Variants in CTNNA3 observed in about 807,000 individuals in gnomAD.
CTNNA3 encodes the protein catenin alpha 3.
CTNNA3 carries 76 observed loss-of-function variants against 95.7 expected under a neutral mutation model. The ratio of observed to expected loss-of-function variants is 0.79; its 90% CI spans 0.66 to 0.96. CTNNA3 has a LOEUF of 0.96. CTNNA3 is among the 40% of genes least tolerant of loss of function. The pLI is 0.00. For missense variants in CTNNA3, 1,191 were observed against 1,089.8 expected (o/e 1.09, Z -1.31); for synonymous variants, 431 against 374.4 (o/e 1.15, Z -1.74).
In CTNNA3 at chr10:67,489,805, T is replaced by TATATATATATAC. The variant is rs927605119; in HGVS notation, c.579+32036_579+32037insGTATATATATAT. Among the ~76,000 whole-genome samples the TATATATATATAC allele has an allele frequency of 4.6e-4, 68 of 148,968 alleles. 2 individuals carry two copies. Among genetic ancestry groups the TATATATATATAC allele is most frequent in the African/African-American group, 1.5e-3 (62 of 40,120 alleles). On this transcript the variant is annotated intron_variant, in intron 5 of 17. Coordinates refer to ENST00000433211, the MANE Select transcript of CTNNA3 (RefSeq NM_013266.4). ...ACATGATTTTATATATATATATATA[T>TATATATATATAC]ACACACATTAGGTGTGTGTATATAC...
chr10:67,343,559 A>G (rs898269864), intron 5 of CTNNA3, among the ~76,000 whole-genome samples: 3 of 152,010 alleles, frequency 2.0e-5, no homozygotes, highest in Non-Finnish European at 2.9e-5. Flanking sequence ...CATATTGTTC[A>G]CTGTTGGCAT....
At position 66,594,687 on chromosome 10, in the gene CTNNA3, A is replaced by C. The variant is rs536044494; in HGVS notation, c.1374+27005T>G. Among the ~76,000 whole-genome samples, 91 of 152,216 alleles carry C rather than the reference A, an allele frequency of 6.0e-4. 1 individual carries two copies. Among genetic ancestry groups the C allele is most frequent in the African/African-American group, 2.2e-3 (91 of 41,520 alleles). ...AGCAAGGCATTTTTGTTTTTTGCAC[A>C]CAGTCCTTTTCTATTTCATAATTTA... On this transcript the variant is annotated intron_variant, in intron 10 of 17. Coordinates refer to ENST00000433211, the MANE Select transcript of CTNNA3 (RefSeq NM_013266.4).
intron 3 of CTNNA3, among the ~76,000 whole-genome samples, chr10:67,590,089 T>G: frequency 6.6e-6 from 1 of 152,112 alleles, no homozygotes; most frequent in Non-Finnish European, 1.5e-5. Context: ...TTCCTAAATG[T>G]TTATGAATAC....
chr10:66,446,855 T>C (rs931319665), intron 11 of CTNNA3, among the ~76,000 whole-genome samples: 1 of 151,914 alleles, frequency 6.6e-6, no homozygotes, highest in Non-Finnish European at 1.5e-5. Context: ...AAATAAAGGG[T>C]ATTCAATTAG....
Position 66,520,639 on chromosome 10 carries a change from A to G in CTNNA3, c.1509T>C (p.Ile503=), listed in dbSNP as rs375080368. The G allele has an allele frequency of 3.7e-6, 6 of 1,608,894 alleles. No homozygotes were observed. The highest frequency in any genetic ancestry group is 5.1e-6 in the Non-Finnish European group (6 of 1,177,366). Residue 503 remains isoleucine, a synonymous_variant, in exon 11 of 18, where the codon ATT becomes ATC. Transcript: ENST00000433211. ...LTEAVDDITS[I]DDFLAVSESH... ...TACCAGATACAGCAAGGAAGTCATC[A>G]ATGCTTGTAATGTCATCTACGGCTT...
At chr10:65,997,237 T>C (rs527274958) in intron 15 of CTNNA3, among the ~76,000 whole-genome samples, 3 of 152,244 alleles carry the variant, frequency 2.0e-5, no homozygotes, top group African/African-American at 7.2e-5. Context: ...AAAAGGAAAA[T>C]GTTGAGAGTA....
intron 5 of CTNNA3, among the ~76,000 whole-genome samples, chr10:67,391,480 C>G (rs1350285624): frequency 6.6e-6 from 1 of 152,116 alleles, no homozygotes; most frequent in Admixed American, 6.5e-5. Context: ...CCATACTGCC[C>G]AAGGTAATTT....
chr10:65,981,645 T>C (rs1003310245), intron 16 of CTNNA3, among the ~76,000 whole-genome samples: 9 of 151,812 alleles, frequency 5.9e-5, no homozygotes, highest in Admixed American at 4.6e-4. Flanking sequence ...GGTATAAAAA[T>C]AGGCACACAG....
intron 7 of CTNNA3, among the ~76,000 whole-genome samples, chr10:66,975,551 G>C (rs568945466): frequency 1.3e-5 from 2 of 152,076 alleles, no homozygotes; most frequent in African/African-American, 4.8e-5. Flanking sequence ...ATTGGGAAGC[G>C]GTCTGTCTTT....
chr10:66,752,279 C>T (rs947556656), intron 9 of CTNNA3, among the ~76,000 whole-genome samples: 2 of 152,060 alleles, frequency 1.3e-5, no homozygotes, highest in Non-Finnish European at 2.9e-5. Flanking sequence ...AGACCAGAGA[C>T]ATACCCACAC....
intron 5 of CTNNA3, among the ~76,000 whole-genome samples, chr10:67,437,823 T>C (rs1401099974): frequency 1.3e-5 from 2 of 151,996 alleles, no homozygotes; most frequent in South Asian, 2.1e-4. Context: ...AATAAGCCTA[T>C]AATTACTTTT....
chr10:66,576,464 C>A (rs1179005145), intron 10 of CTNNA3, among the ~76,000 whole-genome samples: 2 of 151,930 alleles, frequency 1.3e-5, no homozygotes, highest in East Asian at 1.9e-4. Flanking sequence ...GGTAGCCTTC[C>A]AATCCATGCC....
At chr10:67,426,684 A>G (rs368997549) in intron 5 of CTNNA3, among the ~76,000 whole-genome samples, 15 of 152,144 alleles carry the variant, frequency 9.9e-5, no homozygotes, top group African/African-American at 3.4e-4. Flanking sequence ...GAGGGATAGC[A>G]TTAGGAGAAA....
At chr10:66,256,029 C>A (rs2090757405) in intron 13 of CTNNA3, among the ~76,000 whole-genome samples, 1 of 152,186 alleles carries the variant, frequency 6.6e-6, no homozygotes, top group Admixed American at 6.5e-5. Flanking sequence ...AAGAAGCTGT[C>A]CCTGACACAG....
At chr10:66,814,547 G>C (rs562410422) in intron 7 of CTNNA3, among the ~76,000 whole-genome samples, 21 of 152,210 alleles carry the variant, frequency 1.4e-4, no homozygotes, top group African/African-American at 5.1e-4. Context: ...GATCACTTGA[G>C]GTCAAGGAGT....
intron 13 of CTNNA3, among the ~76,000 whole-genome samples, chr10:66,225,095 A>G (rs1426601754): frequency 6.6e-6 from 1 of 151,856 alleles, no homozygotes; most frequent in Non-Finnish European, 1.5e-5. Context: ...CTTATTCTTA[A>G]CTATAGTCAC....
chr10:66,337,747 A>C (rs575888761), intron 12 of CTNNA3, among the ~76,000 whole-genome samples: 1 of 152,266 alleles, frequency 6.6e-6, no homozygotes, highest in East Asian at 1.9e-4. Context: ...TCTAGACAAT[A>C]ATAAATATGA....
At chr10:66,562,677 T>C (rs1034417322) in intron 10 of CTNNA3, among the ~76,000 whole-genome samples, 2 of 152,264 alleles carry the variant, frequency 1.3e-5, no homozygotes, top group Admixed American at 6.5e-5. Flanking sequence ...GTGGTTGTCA[T>C]TGGATTATGC....
At chr10:67,224,166 C>T (rs1445489725) in intron 5 of CTNNA3, among the ~76,000 whole-genome samples, 1 of 152,122 alleles carries the variant, frequency 6.6e-6, no homozygotes, top group Admixed American at 6.5e-5. Flanking sequence ...TATTAACTGT[C>T]TTCACCATGC....
Sources: allele counts gnomAD v4.1 joint callset (sites outside exome capture counted in the v4.1 genomes callset), GRCh38; gene constraint gnomAD v4.1.1; transcripts MANE v1.5; gene names NCBI Gene and HGNC (gene_info 2026-07-23, HGNC 2026-07-21).